MON2: variants seen among roughly 807,000 people sequenced by gnomAD.
The protein encoded by MON2 is MON2 regulator of endosome-to-Golgi trafficking, also known as protein MON2 homolog.
A neutral mutation model predicts 208.6 loss-of-function variants in MON2; 84 were observed. That is an observed-to-expected ratio of 0.40 (90% CI 0.34 to 0.48). MON2 has a LOEUF of 0.48. MON2 is among the 20% of genes least tolerant of loss of function. MON2 has a pLI of 0.59. For synonymous variants in MON2, 660 were observed against 694.0 expected, an observed-to-expected ratio of 0.95 and a Z score of 0.77; for missense variants, 1,611 against 2,015.4, an observed-to-expected ratio of 0.80 and a Z score of 3.84.
intron 1 of MON2, among the ~76,000 whole-genome samples, chr12:62,471,243 C>T (rs1157389418): frequency 6.6e-6 from 1 of 152,158 alleles, no homozygotes; most frequent in African/African-American, 2.4e-5. Context: ...AGTACAGTGG[C>T]ACAATCTCGG....
chr12:62,538,438 A>C lies in MON2; in HGVS notation c.2297A>C (p.His766Pro). Residue 766 changes from histidine (H) to proline (P), a missense_variant, in exon 19 of 35, where the codon CAT becomes CCT. His to Pro is a moderately conservative substitution (Grantham distance 77). Transcript: ENST00000393630. The stretch of plus-strand genomic sequence containing the variant: ...AGGTATCTTGATGATGTATCACTGC[A>C]TCATTTAATAAATGCACTTTGCTCC... The part of the protein sequence containing the change: ...SSQYLDDVSL[H>P]HLINALCSLS... 6.2e-7 allele frequency: 1 copy of C among 1,611,324 alleles called. No homozygotes were observed. Among genetic ancestry groups the C allele is most frequent in the Non-Finnish European group, 8.5e-7 (1 of 1,177,766 alleles).
At chr12:62,505,446 A>G (rs1028339509) in intron 7 of MON2, among the ~76,000 whole-genome samples, 3 of 152,202 alleles carry the variant, frequency 2.0e-5, no homozygotes, top group Admixed American at 6.5e-5. Context: ...GCTCAACATT[A>G]AACAGTTGAA....
intron 22 of MON2, among the ~76,000 whole-genome samples, chr12:62,547,580 A>G (rs1197802396): frequency 6.6e-6 from 1 of 152,202 alleles, no homozygotes; most frequent in Non-Finnish European, 1.5e-5. Flanking sequence ...AATACTATAC[A>G]TGGTAGTTAT....
chr12:62,565,483 T>C, intron 27 of MON2, 103 bp downstream of exon 27: 1 of 1,010,786 alleles, frequency 9.9e-7, no homozygotes, highest in Non-Finnish European at 1.4e-6. Flanking sequence ...AAGGATACTT[T>C]TCACTCACAA....
At chr12:62,566,262 C>G in intron 28 of MON2, 60 bp from the exon 29 acceptor site, 1 of 1,561,638 alleles carries the variant, frequency 6.4e-7, no homozygotes, top group Non-Finnish European at 8.7e-7. Context: ...TCTTTGAAAA[C>G]AATATGATTA....
chr12:62,467,180 C>G lies in MON2; in HGVS notation c.-28C>G. Reference sequence around the variant, plus strand: ...CGTGCCAGAGCTTGTTTGTACCTCTCGGAAATTGGCTGGGACCTTGGAGGA... The same window carrying G: ...CGTGCCAGAGCTTGTTTGTACCTCTGGGAAATTGGCTGGGACCTTGGAGGA... On this transcript the variant is annotated 5_prime_UTR_variant, in exon 1 of 35. Coordinates refer to ENST00000393630, the MANE Select transcript of MON2 (RefSeq NM_015026.3). 3 of 1,599,666 alleles carry G rather than the reference C, an allele frequency of 1.9e-6. No homozygotes were observed. Among genetic ancestry groups the G allele is most frequent in the Non-Finnish European group, 2.6e-6 (3 of 1,172,856 alleles).
At chr12:62,534,753 T>C in intron 12 of MON2, 92 bp from the exon 13 acceptor site, 1 of 840,034 alleles carries the variant, frequency 1.2e-6, no homozygotes, top group Non-Finnish European at 1.9e-6. Context: ...ATATTTGACA[T>C]ATTGTCTGGG....
At chr12:62,511,081 A>G (rs2071371850) in intron 8 of MON2, among the ~76,000 whole-genome samples, 1 of 152,224 alleles carries the variant, frequency 6.6e-6, no homozygotes, top group Non-Finnish European at 1.5e-5. Context: ...TGCACTGGAA[A>G]CTATAAAACA....
intron 4 of MON2, among the ~76,000 whole-genome samples, chr12:62,496,003 T>A (rs2070460756): frequency 6.6e-6 from 1 of 152,130 alleles, no homozygotes; most frequent in Admixed American, 6.5e-5. Context: ...GAGAGTACCA[T>A]AGCAGTAAAT....
intron 29 of MON2, among the ~76,000 whole-genome samples, chr12:62,570,402 G>A (rs1056802468): frequency 6.6e-6 from 1 of 152,072 alleles, no homozygotes; most frequent in African/African-American, 2.4e-5. Flanking sequence ...TTTACAGATA[G>A]AACATACAAC....
chr12:62,500,694 A>G (rs1445040337), intron 5 of MON2, 89 bp from the exon 6 acceptor site: 1 of 638,924 alleles, frequency 1.6e-6, no homozygotes, highest in Non-Finnish European at 2.6e-6. Context: ...ATAAACAAAT[A>G]TTTATTTTAA....
At chr12:62,578,551 C>A (rs2074878847) in intron 31 of MON2, 46 bp downstream of exon 31, 2 of 1,212,040 alleles carry the variant, frequency 1.7e-6, no homozygotes, top group Non-Finnish European at 2.3e-6. Context: ...TTTTTGAAAC[C>A]AAATAGTAAA....
At chr12:62,575,422 G>A (rs932485490) in intron 30 of MON2, among the ~76,000 whole-genome samples, 13 of 152,088 alleles carry the variant, frequency 8.5e-5, no homozygotes. Context: ...CTTACTTAAT[G>A]CCACATATGT....
intron 8 of MON2, among the ~76,000 whole-genome samples, chr12:62,524,160 G>A (rs1196529012): frequency 3.9e-5 from 6 of 152,094 alleles, no homozygotes; most frequent in South Asian, 2.1e-4. Flanking sequence ...AGAGTAGAAC[G>A]TGCATCCTGT....
chr12:62,556,972 C>T (rs1188835009), intron 25 of MON2, among the ~76,000 whole-genome samples: 1 of 152,016 alleles, frequency 6.6e-6, no homozygotes, highest in Admixed American at 6.6e-5. Flanking sequence ...GCAATCCCAG[C>T]TACTTGGGAG....
intron 19 of MON2, among the ~76,000 whole-genome samples, chr12:62,540,645 G>A (rs2073192323): frequency 1.3e-5 from 2 of 152,184 alleles, no homozygotes; most frequent in South Asian, 4.1e-4. Flanking sequence ...AAGAACAGTT[G>A]TGGAGAAAAT....
intron 15 of MON2, 71 bp downstream of exon 15, chr12:62,537,334 T>G (rs2073024279): frequency 9.5e-7 from 1 of 1,048,820 alleles, no homozygotes; most frequent in South Asian, 1.5e-5. Flanking sequence ...TCTTTGTGTT[T>G]GCCAAAATGT....
chr12:62,490,024 C>CT (rs1352170130), intron 2 of MON2: 12 of 1,209,994 alleles, frequency 9.9e-6, no homozygotes, highest in Admixed American at 2.6e-5. Flanking sequence ...TAGTTTAATT[C>CT]TTTTTTTCCA....
intron 26 of MON2, among the ~76,000 whole-genome samples, chr12:62,561,906 A>T (rs1217437203): frequency 6.6e-6 from 1 of 152,152 alleles, no homozygotes; most frequent in Non-Finnish European, 1.5e-5. Context: ...AACTGGAATG[A>T]TAAAAATTTT....
Sources: allele counts gnomAD v4.1 joint callset (sites outside exome capture counted in the v4.1 genomes callset), GRCh38; gene constraint gnomAD v4.1.1; transcripts MANE v1.5; gene names NCBI Gene and HGNC (gene_info 2026-07-23, HGNC 2026-07-21).